The following SRGAP2 variants were observed in gnomAD, a reference collection of about 807,000 sequenced individuals.
The protein encoded by SRGAP2 is SLIT-ROBO Rho GTPase-activating protein 2.
Under a neutral mutation model 57.2 loss-of-function variants are expected in SRGAP2, and 15 were observed. The ratio of observed to expected loss-of-function variants is 0.26; its 90% confidence interval spans 0.18 to 0.40. The LOEUF (loss-of-function observed/expected upper bound fraction) is 0.40. Ranked by LOEUF, SRGAP2 falls within the 10% of genes least tolerant of loss-of-function variation. The probability of loss-of-function intolerance (pLI) is 1.00; values close to 1 mark genes in which losing one functional copy is unlikely to be tolerated. For synonymous variants in SRGAP2, 249 were observed against 248.0 expected, an observed-to-expected ratio of 1.00 and a Z score of -0.04; for missense variants, 520 against 669.6, an observed-to-expected ratio of 0.78 and a Z score of 2.47.
At chr1:206,266,072 AACTAAGACCTAAAGAG>A (rs1164808445) in intron 2 of SRGAP2, among the ~76,000 whole-genome samples, 2 of 150,308 alleles carry the variant, frequency 1.3e-5, no homozygotes. Flanking sequence ...ATTTGACTGA[AACTAAGACCTAAAGAG>A]GTTATGTGAC....
At chr1:206,236,592 C>CA (rs1667921256) in intron 2 of SRGAP2, among the ~76,000 whole-genome samples, 1 of 142,146 alleles carries the variant, frequency 7.0e-6, no homozygotes, top group African/African-American at 2.7e-5. Flanking sequence ...CAGGCATTAG[C>CA]ATCTCAGTCT....
chr1:206,286,908 C>T (rs1466845311), intron 2 of SRGAP2, among the ~76,000 whole-genome samples: 3 of 152,134 alleles, frequency 2.0e-5, no homozygotes, highest in African/African-American at 7.2e-5. Context: ...TAGCTTTTCT[C>T]CACTGGGAAG....
chr1:206,414,029 C>CT (rs201058533), intron 10 of SRGAP2, among the ~76,000 whole-genome samples: 3,933 of 144,962 alleles, frequency 0.027, 234 homozygotes, highest in African/African-American at 0.096. Context: ...TTTTCTTTTT[C>CT]TTTCTTTTTT....
intron 2 of SRGAP2, among the ~76,000 whole-genome samples, chr1:206,216,676 A>T (rs1415343010): frequency 6.7e-6 from 1 of 150,020 alleles, no homozygotes; most frequent in East Asian, 2.0e-4. Flanking sequence ...TTGTGAATGA[A>T]TGGTTCTGAA....
chr1:206,453,619 A>C, intron 20 of SRGAP2: 42 of 284,406 alleles, frequency 1.5e-4, no homozygotes, highest in East Asian at 1.8e-4. Context: ...TCACCCCCTA[A>C]TCCAGTCATT....
At chr1:206,354,963 A>G (rs1676326250) in intron 4 of SRGAP2, among the ~76,000 whole-genome samples, 1 of 152,166 alleles carries the variant, frequency 6.6e-6, no homozygotes, top group African/African-American at 2.4e-5. Flanking sequence ...AAGCAAAAAT[A>G]TGATATAAAG....
chr1:206,337,911 A>C (rs1553334098), intron 3 of SRGAP2, among the ~76,000 whole-genome samples: 1 of 151,680 alleles, frequency 6.6e-6, no homozygotes, highest in Admixed American at 6.6e-5. Flanking sequence ...ATTTTAGAGA[A>C]ATCCCTTTAA....
chr1:206,312,894 T>G (rs1213304189), intron 3 of SRGAP2, among the ~76,000 whole-genome samples: 1 of 152,116 alleles, frequency 6.6e-6, no homozygotes, highest in African/African-American at 2.4e-5. Context: ...TTGTCTCTTT[T>G]AAGTGGAATC....
chr1:206,435,033 CTAGTATTA>C (rs535414842), intron 14 of SRGAP2, among the ~76,000 whole-genome samples: 231 of 152,312 alleles, frequency 1.5e-3, no homozygotes, highest in African/African-American at 5.5e-3. Context: ...CCATTTGTAA[CTAGTATTA>C]TAGTCCTATT....
At chr1:206,424,072 C>T (rs1239711118) in intron 13 of SRGAP2, among the ~76,000 whole-genome samples, 1 of 148,934 alleles carries the variant, frequency 6.7e-6, no homozygotes, top group Non-Finnish European at 1.5e-5. Context: ...GGATTATAGG[C>T]GTGAGCCACC....
chr1:206,242,004 C>T (rs1668265854), intron 2 of SRGAP2, among the ~76,000 whole-genome samples: 1 of 138,562 alleles, frequency 7.2e-6, no homozygotes, highest in African/African-American at 2.8e-5. Context: ...TCTCTGCCCT[C>T]GTGTTGATCT....
At chr1:206,215,527 C>A (rs1161471361) in intron 2 of SRGAP2, among the ~76,000 whole-genome samples, 1 of 147,208 alleles carries the variant, frequency 6.8e-6, no homozygotes, top group African/African-American at 2.5e-5. Context: ...ACCCTGCTTA[C>A]ATTTTATACT....
intron 5 of SRGAP2, among the ~76,000 whole-genome samples, chr1:206,390,031 A>G (rs1418436207): frequency 2.0e-5 from 3 of 146,898 alleles, no homozygotes; most frequent in African/African-American, 7.5e-5. Flanking sequence ...TCTAAGTCCT[A>G]TCTTGACTAT....
chr1:206,421,849 A>G (rs1430925172), intron 13 of SRGAP2, among the ~76,000 whole-genome samples: 1 of 152,248 alleles, frequency 6.6e-6, no homozygotes, highest in Non-Finnish European at 1.5e-5. Context: ...GCCAGCTCTC[A>G]TTACCCATAT....
At chr1:206,332,859 C>T (rs1318163919) in intron 3 of SRGAP2, among the ~76,000 whole-genome samples, 11 of 150,988 alleles carry the variant, frequency 7.3e-5, no homozygotes, top group Non-Finnish European at 1.3e-4. Context: ...TGAGGAACTG[C>T]GTTCCTTTGG....
At chr1:206,304,528 A>T (rs1370025839) in intron 3 of SRGAP2, among the ~76,000 whole-genome samples, 1 of 151,926 alleles carries the variant, frequency 6.6e-6, no homozygotes, top group African/African-American at 2.4e-5. Flanking sequence ...AAACCTCATA[A>T]TATTTTAAGA....
chr1:206,448,745 C>T (rs1289156837), intron 18 of SRGAP2, among the ~76,000 whole-genome samples: 1 of 152,110 alleles, frequency 6.6e-6, no homozygotes, highest in Non-Finnish European at 1.5e-5. Context: ...TTGAACCTCT[C>T]CCCCGCCACC....
intron 10 of SRGAP2, among the ~76,000 whole-genome samples, chr1:206,414,054 CAG>C (rs1659462230): frequency 7.3e-6 from 1 of 136,816 alleles, no homozygotes; most frequent in Non-Finnish European, 1.5e-5. Context: ...TTTTTTGAGA[CAG>C]AGTCTTGCTC....
chr1:206,388,352 A>G (rs1656508554), intron 5 of SRGAP2, among the ~76,000 whole-genome samples: 4 of 152,074 alleles, frequency 2.6e-5, no homozygotes. Flanking sequence ...CTGCTTGCCT[A>G]TTTGACTCTG....
Sources: allele counts gnomAD v4.1 joint callset (sites outside exome capture counted in the v4.1 genomes callset), GRCh38; gene constraint gnomAD v4.1.1; transcripts MANE v1.5; gene names NCBI Gene and HGNC (gene_info 2026-07-23, HGNC 2026-07-21).